Variants in NELL1 observed in about 807,000 individuals in gnomAD.
NELL1 encodes neural EGFL like 1, also known as protein kinase C-binding protein NELL1.
In NELL1, 76 loss-of-function variants were observed where a neutral mutation model predicts 107.4. The observed-to-expected ratio is 0.71, with a 90% CI of 0.59 to 0.86. The LOEUF (loss-of-function observed/expected upper bound fraction) is 0.86, where lower values mean the gene tolerates loss of function less well. Among genes scored for constraint, NELL1 ranks in the 40% least tolerant of loss-of-function variants. NELL1 has a pLI of 0.00. For missense variants in NELL1, 1,024 were observed against 1,005.5 expected (o/e 1.02, Z -0.25); for synonymous variants, 353 against 341.2 (o/e 1.03, Z -0.38).
intron 5 of NELL1, among the ~76,000 whole-genome samples, chr11:20,907,552 T>A (rs977902887): frequency 6.6e-6 from 1 of 152,152 alleles, no homozygotes; most frequent in Non-Finnish European, 1.5e-5. Flanking sequence ...TTATAATTTT[T>A]AAATAAAATT....
intron 2 of NELL1, among the ~76,000 whole-genome samples, chr11:20,732,521 C>T (rs12363189): frequency 0.11 from 16,537 of 152,004 alleles, 1,062 homozygotes; most frequent in Non-Finnish European, 0.15. Flanking sequence ...CTGAATGACT[C>T]CCAGGTGGTG....
At chr11:20,710,721 T>C (rs1427083796) in intron 2 of NELL1, among the ~76,000 whole-genome samples, 1 of 152,124 alleles carries the variant, frequency 6.6e-6, no homozygotes, top group African/African-American at 2.4e-5. Flanking sequence ...TTGCTACTTG[T>C]TATTGGTCTC....
intron 14 of NELL1, among the ~76,000 whole-genome samples, chr11:21,248,998 C>T (rs143424986): frequency 1.3e-5 from 2 of 152,242 alleles, no homozygotes; most frequent in African/African-American, 4.8e-5. Flanking sequence ...AAGGTTGAAC[C>T]AGATCCTGAT....
intron 2 of NELL1, among the ~76,000 whole-genome samples, chr11:20,757,774 C>T (rs1856329556): frequency 6.6e-6 from 1 of 152,176 alleles, no homozygotes; most frequent in Non-Finnish European, 1.5e-5. Flanking sequence ...CCTCCAAAAC[C>T]TGATTTGAGA....
intron 12 of NELL1, among the ~76,000 whole-genome samples, chr11:20,972,036 G>T (rs1013321138): frequency 4.8e-5 from 7 of 144,856 alleles, no homozygotes; most frequent in East Asian, 2.0e-4. Context: ...GGAGCGGGGT[G>T]GGGGGCAAGG....
intron 15 of NELL1, among the ~76,000 whole-genome samples, chr11:21,386,936 A>T (rs1233735977): frequency 5.3e-5 from 8 of 151,990 alleles, no homozygotes; most frequent in African/African-American, 1.9e-4. Context: ...CATTTAAGCT[A>T]GACTTTGTGC....
At chr11:21,114,154 T>C (rs1855176051) in intron 13 of NELL1, among the ~76,000 whole-genome samples, 1 of 152,022 alleles carries the variant, frequency 6.6e-6, no homozygotes, top group Non-Finnish European at 1.5e-5. Context: ...AGTTTAGGTA[T>C]ATGGGAGCTG....
At position 21,275,532 on chromosome 11, in the gene NELL1, C is replaced by T. The variant is rs531565796; in HGVS notation, c.1549+46078C>T. Among the ~76,000 whole-genome samples the T allele has an allele frequency of 6.6e-5, 10 of 152,322 alleles. No individual in the cohort carries two copies. The South Asian group carries it at 2.1e-3, about 32-fold the overall frequency. On this transcript the variant is annotated intron_variant, in intron 14 of 19. Transcript: ENST00000357134. ...TCCAATCAATAGAAAAAGAGGGAAT[C>T]CTCCCTAGCTCATTTTATGAGGCCA... is the stretch of plus-strand genomic sequence containing the variant.
chr11:21,500,898 A>T (rs1244663079), intron 15 of NELL1, among the ~76,000 whole-genome samples: 2 of 152,010 alleles, frequency 1.3e-5, no homozygotes, highest in African/African-American at 4.8e-5. Context: ...TAAGACTCAA[A>T]CTCATATTTT....
At position 21,094,993 on chromosome 11, in the gene NELL1, C is replaced by T. The variant is rs371123713; in HGVS notation, c.1301-18596C>T. 3.3e-4 allele frequency among the ~76,000 whole-genome samples: 51 copies of T among 152,284 alleles called. No individual in the cohort carries two copies. In the East Asian group the frequency reaches 7.5e-3, roughly 23 times the overall value. On this transcript the variant is annotated intron_variant, in intron 12 of 19. Transcript: ENST00000357134. ...GGGTTTTTCTTTTCTATCACATTTT[C>T]GGGCTGCAAATTTTCTGAACTTTTA...
At chr11:21,250,375 A>G (rs1436500175) in intron 14 of NELL1, among the ~76,000 whole-genome samples, 1 of 152,170 alleles carries the variant, frequency 6.6e-6, no homozygotes, top group African/African-American at 2.4e-5. Flanking sequence ...CTTTCAGTTT[A>G]GGGCTATGAC....
chr11:20,843,375 T>G (rs1336793053), intron 3 of NELL1, among the ~76,000 whole-genome samples: 1 of 152,114 alleles, frequency 6.6e-6, no homozygotes, highest in Non-Finnish European at 1.5e-5. Context: ...GAATAGCTAG[T>G]ATATATCCTT....
intron 13 of NELL1, among the ~76,000 whole-genome samples, chr11:21,195,270 T>C (rs1857128124): frequency 6.6e-6 from 1 of 152,170 alleles, no homozygotes; most frequent in Admixed American, 6.5e-5. Flanking sequence ...TTGCCTCTGG[T>C]GTCCAATGTC....
At chr11:21,006,608 C>A (rs902994739) in intron 12 of NELL1, among the ~76,000 whole-genome samples, 2 of 151,988 alleles carry the variant, frequency 1.3e-5, no homozygotes, top group African/African-American at 4.8e-5. Flanking sequence ...CTCTCGAATC[C>A]CTTTTTGTTT....
intron 12 of NELL1, among the ~76,000 whole-genome samples, chr11:20,971,287 C>A (rs559764518): frequency 9.2e-5 from 14 of 151,856 alleles, no homozygotes; most frequent in African/African-American, 3.1e-4. Context: ...CCTTGAAAGA[C>A]ATTATGCATA....
intron 12 of NELL1, among the ~76,000 whole-genome samples, chr11:21,018,056 C>G (rs1426614091): frequency 2.0e-5 from 3 of 152,110 alleles, no homozygotes; most frequent in Non-Finnish European, 2.9e-5. Flanking sequence ...AGATCCTAGG[C>G]ACAATTTGTC....
chr11:20,672,174 G>A, intron 1 of NELL1, among the ~76,000 whole-genome samples: 1 of 152,204 alleles, frequency 6.6e-6, no homozygotes, highest in East Asian at 1.9e-4. Flanking sequence ...GTAGCTTTCT[G>A]GAGGCAGCCC....
chr11:21,229,101 G>A lies in NELL1; in HGVS notation c.1427-231G>A, dbSNP rs562514789. The stretch of plus-strand genomic sequence containing the variant: ...GTGCAGCACTTACCAATTGTGTGAC[G>A]GACAGGAGTTGTTTGACTTCTCTGA... On this transcript the variant is annotated intron_variant, in intron 13 of 19. Transcript: ENST00000357134. Among the ~76,000 whole-genome samples the A allele has an allele frequency of 4.9e-4, 75 of 152,106 alleles. No homozygotes were observed. In the Middle Eastern group the frequency reaches 0.01, roughly 21 times the overall value.
intron 13 of NELL1, among the ~76,000 whole-genome samples, chr11:21,136,698 C>T (rs1028062537): frequency 6.6e-6 from 1 of 152,142 alleles, no homozygotes; most frequent in African/African-American, 2.4e-5. Flanking sequence ...GAACAGTCCC[C>T]TGTGGTTTGG....
Sources: gnomAD v4.1 joint callset for allele counts (sites outside exome capture counted in the v4.1 genomes callset) on GRCh38, gnomAD v4.1.1 for gene constraint, MANE v1.5 for transcripts, NCBI Gene and HGNC (gene_info 2026-07-23, HGNC 2026-07-21) for gene names.